KLHL14: variants seen among roughly 807,000 people sequenced by gnomAD.
KLHL14 encodes the protein kelch like family member 14, also known as kelch-like protein 14.
A neutral mutation model predicts 64.3 loss-of-function variants in KLHL14; 22 were observed. The ratio of observed to expected loss-of-function variants is 0.34; its 90% confidence interval spans 0.24 to 0.49. The LOEUF (loss-of-function observed/expected upper bound fraction) is 0.49, where lower values mean the gene tolerates loss of function less well. KLHL14 is among the 20% of genes least tolerant of loss of function. KLHL14 has a pLI of 0.99. For synonymous variants in KLHL14, 322 were observed against 333.4 expected (o/e 0.97, Z 0.37); for missense variants, 661 against 789.0 (o/e 0.84, Z 1.94).
chr18:32,730,136 C>A (rs913331948), intron 3 of KLHL14, among the ~76,000 whole-genome samples: 27 of 152,330 alleles, frequency 1.8e-4, no homozygotes, highest in South Asian at 4.1e-4. Context: ...CAGAAACTGG[C>A]TTATATCTAA....
chr18:32,734,173 CT>C (rs1190200504), intron 3 of KLHL14: 1 of 702,894 alleles, frequency 1.4e-6, no homozygotes, highest in Non-Finnish European at 2.6e-6. Flanking sequence ...TGAAAATTCT[CT>C]GGTTTTCCTC....
chr18:32,733,381 G>GTA (rs1270335106), intron 3 of KLHL14, among the ~76,000 whole-genome samples: 1 of 141,032 alleles, frequency 7.1e-6, no homozygotes, highest in African/African-American at 2.7e-5. Context: ...GAGAGAAAGA[G>GTA]AGAGAAAGGA....
chr18:32,712,597 T>C (rs1433162739), intron 3 of KLHL14, among the ~76,000 whole-genome samples: 4 of 152,326 alleles, frequency 2.6e-5, no homozygotes, highest in Admixed American at 2.0e-4. Flanking sequence ...TGCTGCTATA[T>C]TGGTCACTTT....
chr18:32,771,949 C>T (rs947537762), intron 1 of KLHL14: 49 of 170,824 alleles, frequency 2.9e-4, no homozygotes, highest in Non-Finnish European at 2.5e-5. Flanking sequence ...GGAACTACTT[C>T]TGTAAAAAGT....
chr18:32,770,883 C>T lies in KLHL14; in HGVS notation c.-43-249G>A. 2 of 470,128 alleles carry T rather than the reference C, an allele frequency of 4.3e-6. No individual in the cohort carries two copies. Among genetic ancestry groups the T allele is most frequent in the Middle Eastern group, 3.0e-4 (1 of 3,368 alleles). 29.1% of individuals were successfully genotyped at this position (470,128 alleles called of 1,614,324 possible). ...GCGCCGGTTCTGCGCCCTGCGGCTCCTCTCGCCACCTCCCACACACTTCGT... is the reference window on the plus strand; with the variant it reads ...GCGCCGGTTCTGCGCCCTGCGGCTCTTCTCGCCACCTCCCACACACTTCGT... On this transcript the variant is annotated intron_variant, in intron 1 of 8. Coordinates refer to ENST00000359358, the MANE Select transcript of KLHL14 (RefSeq NM_020805.3). This position sits in a 1 kb window ranked among gnomAD's most constrained non-coding sequence, Gnocchi z 6.7.
At chr18:32,759,897 A>T (rs1052723446) in intron 2 of KLHL14, among the ~76,000 whole-genome samples, 1 of 152,192 alleles carries the variant, frequency 6.6e-6, no homozygotes, top group Non-Finnish European at 1.5e-5. Context: ...CTCTCACTGT[A>T]TCAGTGAACT....
chr18:32,734,444 T>G (rs1159187594), intron 3 of KLHL14, among the ~76,000 whole-genome samples: 3 of 152,300 alleles, frequency 2.0e-5, no homozygotes, highest in Admixed American at 6.5e-5. Flanking sequence ...TCATTTTCTC[T>G]TGTCAGTTTA....
chr18:32,769,867 G>A lies in KLHL14; in HGVS notation c.725C>T (p.Ser242Phe), dbSNP rs1024322222. ...VESELALFQM[S>F]VLWLEHDRET... ...GCGGTCGTGCTCCAGCCACAGCACGGACATCTGGAAGAGCGCCAGCTCCGA... is the reference window on the plus strand; with the variant it reads ...GCGGTCGTGCTCCAGCCACAGCACGAACATCTGGAAGAGCGCCAGCTCCGA... The change falls in exon 2 of 9, where the codon TCC becomes TTC. Residue 242 changes from serine to phenylalanine, a missense_variant. Ser to Phe is a radical substitution (Grantham distance 155). Around this residue, in one of 2 missense-constraint regions of KLHL14, gnomAD observed 331 missense variants for 339.0 expected, o/e 0.98. Coordinates refer to ENST00000359358, the MANE Select transcript of KLHL14 (RefSeq NM_020805.3). The A allele has an allele frequency of 1.9e-6, 3 of 1,614,016 alleles. No homozygotes were observed.
At chr18:32,716,609 G>A (rs2050047064) in intron 3 of KLHL14, among the ~76,000 whole-genome samples, 1 of 151,990 alleles carries the variant, frequency 6.6e-6, no homozygotes, top group Non-Finnish European at 1.5e-5. Context: ...AGTAGAGATG[G>A]GGTTTTGCCA....
chr18:32,730,645 C>T lies in KLHL14; in HGVS notation c.1069+11283G>A, dbSNP rs1227002215. ...ACAAGTGAGACCATGCATAAAGCAT[C>T]GCTTTGTCTAGTGTGAAGTCACGCT... On this transcript the variant is annotated intron_variant, in intron 3 of 8. Transcript: ENST00000359358. Among the ~76,000 whole-genome samples, 10 of 152,278 alleles carry T rather than the reference C, an allele frequency of 6.6e-5. No individual in the cohort carries two copies. The East Asian group carries it at 1.2e-3, about 18-fold the overall frequency.
intron 3 of KLHL14, among the ~76,000 whole-genome samples, chr18:32,711,290 G>GTA (rs995912604): frequency 6.6e-6 from 1 of 152,102 alleles, no homozygotes; most frequent in African/African-American, 2.4e-5. Context: ...GTGACAGTGG[G>GTA]TATATGTAGC....
At chr18:32,713,027 T>C (rs1420576234) in intron 3 of KLHL14, among the ~76,000 whole-genome samples, 3 of 148,516 alleles carry the variant, frequency 2.0e-5, no homozygotes, top group Admixed American at 2.0e-4. Context: ...TGCTTTTAAA[T>C]CTTTCTCACC....
chr18:32,770,655 A>C lies in KLHL14; in HGVS notation c.-43-21T>G. ...CCAACCTGGCAGACAGGGGTGGGGG[A>C]TGGGAGGGAGGGGAGCAGGGTGGTG... On this transcript the variant is annotated intron_variant, in intron 1 of 8. Transcript: ENST00000359358. The surrounding 1 kb of genome is among the most constrained non-coding windows in gnomAD (Gnocchi z 6.7). 1 of 251,966 alleles carries C rather than the reference A, an allele frequency of 4.0e-6. No homozygotes were observed. Among genetic ancestry groups the C allele is most frequent in the Non-Finnish European group, 7.4e-6 (1 of 135,968 alleles). 15.6% of individuals were successfully genotyped at this position (251,966 alleles called of 1,614,324 possible).
chr18:32,720,294 G>T (rs947025869), intron 3 of KLHL14, among the ~76,000 whole-genome samples: 1 of 152,208 alleles, frequency 6.6e-6, no homozygotes, highest in Admixed American at 6.5e-5. Flanking sequence ...GTGAGAATGG[G>T]ATGAGGAAAT....
chr18:32,713,477 G>A (rs1027674211), intron 3 of KLHL14, among the ~76,000 whole-genome samples: 1 of 152,158 alleles, frequency 6.6e-6, no homozygotes, highest in Non-Finnish European at 1.5e-5. Context: ...CTTTTAGGCG[G>A]TCATGGTGGC....
rs1299911883 is a variant in KLHL14, at chr18:32,772,230, G to A, written c.-44+437C>T. On this transcript the variant is annotated intron_variant, in intron 1 of 8. Coordinates refer to ENST00000359358, the MANE Select transcript of KLHL14 (RefSeq NM_020805.3). ...TGCCTGGCGCCGGTCCTGGATCGCC[G>A]GCTTCCTATTTATACCGGACTGGGC... 9 of 397,320 alleles carry A rather than the reference G, an allele frequency of 2.3e-5. No homozygotes were observed. The East Asian group carries it at 7.5e-4, about 33-fold the overall frequency. The allele number at this position is 397,320 out of a possible 1,614,324, so 24.6% of individuals were successfully genotyped here. A position where few individuals can be genotyped will look rare whatever the true frequency, so the allele number is the denominator to read the frequency against.
Position 32,770,840 on chromosome 18 carries a change from G to T in KLHL14, c.-43-206C>A, listed in dbSNP as rs1471979339. 6.2e-6 allele frequency: 3 copies of T among 485,254 alleles called. No homozygotes were observed. Among genetic ancestry groups the T allele is most frequent in the Non-Finnish European group, 1.1e-5 (3 of 272,966 alleles). 30.1% of individuals were successfully genotyped at this position (485,254 alleles called of 1,614,324 possible). ...TGGATCCGTGAGCGCCACCAGAAGG[G>T]CCCTGTCTGGGGTCCCGGCGCCGGT... On this transcript the variant is annotated intron_variant, in intron 1 of 8. Coordinates refer to ENST00000359358, the MANE Select transcript of KLHL14 (RefSeq NM_020805.3). This position sits in a 1 kb window ranked among gnomAD's most constrained non-coding sequence, Gnocchi z 6.7.
At chr18:32,695,340 C>A (rs1297422411) in intron 4 of KLHL14, 123 bp downstream of exon 4, 2 of 682,660 alleles carry the variant, frequency 2.9e-6, no homozygotes, top group Admixed American at 2.2e-5. Flanking sequence ...CTCCTTACTA[C>A]TTCATTTGTC....
intron 4 of KLHL14, among the ~76,000 whole-genome samples, chr18:32,693,970 TTTG>T (rs1358136827): frequency 2.1e-5 from 3 of 141,118 alleles, no homozygotes; most frequent in African/African-American, 7.6e-5. Context: ...CAGGTGTTTT[TTTG>T]TTTTGTTTTG....
Sources: gnomAD v4.1 joint callset for allele counts (sites outside exome capture counted in the v4.1 genomes callset) on GRCh38, gnomAD v4.1.1 for gene constraint, gnomAD v4.1.1 regional missense constraint, Gnocchi (gnomAD v3.1) non-coding constraint, MANE v1.5 for transcripts, NCBI Gene and HGNC (gene_info 2026-07-23, HGNC 2026-07-21) for gene names.